The following DLC1 variants were observed in gnomAD, a reference collection of about 807,000 sequenced individuals.
DLC1 encodes DLC1 Rho GTPase activating protein.
A neutral mutation model predicts 140.3 loss-of-function variants in DLC1; 54 were observed. That is an observed-to-expected ratio of 0.38 (90% CI 0.31 to 0.48). The LOEUF (loss-of-function observed/expected upper bound fraction) is 0.48. Among genes scored for constraint, DLC1 ranks in the 20% least tolerant of loss-of-function variants. DLC1 has a pLI of 0.96. For synonymous variants in DLC1, 986 were observed against 728.1 expected, an observed-to-expected ratio of 1.35 and a Z score of -5.70; for missense variants, 2,536 against 1,907.0, an observed-to-expected ratio of 1.33 and a Z score of -6.14.
At chr8:13,399,332 G>A (rs1286690973) in intron 3 of DLC1, among the ~76,000 whole-genome samples, 1 of 152,160 alleles carries the variant, frequency 6.6e-6, no homozygotes, top group East Asian at 1.9e-4. Context: ...ATGAGCATAG[G>A]CTTTGGAGTC....
At position 13,317,643 on chromosome 8, in the gene DLC1, G is replaced by C. The variant is rs117481253; in HGVS notation, c.1315-12341C>G. Reference sequence around the variant, plus strand: ...TTGGGCTGTGTCTGGTGTGTGGTGAGGGGAATGAGGGGTAGGGAGGGCCTG... The same window carrying C: ...TTGGGCTGTGTCTGGTGTGTGGTGACGGGAATGAGGGGTAGGGAGGGCCTG... On this transcript the variant is annotated intron_variant, in intron 4 of 17. Transcript: ENST00000276297. Among the ~76,000 whole-genome samples the C allele has an allele frequency of 6.6e-3, 997 of 152,198 alleles. 3 individuals carry two copies. The highest frequency in any genetic ancestry group is 0.011 in the Non-Finnish European group (723 of 68,002).
chr8:13,580,382 A>T (rs992397739), intron 1 of DLC1, among the ~76,000 whole-genome samples: 1 of 152,248 alleles, frequency 6.6e-6, no homozygotes. Flanking sequence ...CGGACTCCCA[A>T]AGTGCTGGGA....
chr8:13,544,805 C>G (rs139612183), intron 1 of DLC1, among the ~76,000 whole-genome samples: 1 of 152,176 alleles, frequency 6.6e-6, no homozygotes, highest in African/African-American at 2.4e-5. Context: ...GAGTAAGCTT[C>G]ATTTCTTTTG....
At chr8:13,579,070 A>T (rs1417800051) in intron 1 of DLC1, among the ~76,000 whole-genome samples, 1 of 151,164 alleles carries the variant, frequency 6.6e-6, no homozygotes, top group Non-Finnish European at 1.5e-5. Context: ...ATTGCCTAGG[A>T]CATTTTAAGG....
intron 1 of DLC1, among the ~76,000 whole-genome samples, chr8:13,554,487 TA>T (rs1350095981): frequency 2.0e-5 from 3 of 152,164 alleles, no homozygotes; most frequent in Non-Finnish European, 4.4e-5. Context: ...ATCTCAGAGG[TA>T]AAATTTCCAA....
At chr8:13,170,729 C>G (rs995592046) in intron 5 of DLC1, among the ~76,000 whole-genome samples, 2 of 63,148 alleles carry the variant, frequency 3.2e-5, no homozygotes, top group Admixed American at 1.9e-4. Context: ...GACTCCATCT[C>G]AAAAAAAAAA....
At chr8:13,250,287 G>T (rs1829946297) in intron 5 of DLC1, among the ~76,000 whole-genome samples, 1 of 152,114 alleles carries the variant, frequency 6.6e-6, no homozygotes, top group African/African-American at 2.4e-5. Flanking sequence ...GTCCCCATCT[G>T]CTCCACTAAG....
intron 1 of DLC1, among the ~76,000 whole-genome samples, chr8:13,598,848 A>G (rs1805769177): frequency 6.6e-6 from 1 of 151,992 alleles, no homozygotes; most frequent in South Asian, 2.1e-4. Flanking sequence ...TCTGAAAAAT[A>G]ATTTAAAACT....
intron 5 of DLC1, among the ~76,000 whole-genome samples, chr8:13,147,433 T>A (rs1300850060): frequency 6.6e-6 from 1 of 152,210 alleles, no homozygotes; most frequent in Non-Finnish European, 1.5e-5. Flanking sequence ...CTCACTCATT[T>A]CGAATCTGAA....
intron 7 of DLC1, among the ~76,000 whole-genome samples, chr8:13,108,137 G>C (rs962200553): frequency 1.3e-5 from 2 of 152,170 alleles, no homozygotes; most frequent in African/African-American, 2.4e-5. Flanking sequence ...CCTCTCGAAA[G>C]GGGCATCATT....
chr8:13,545,956 G>T (rs1022559684), intron 1 of DLC1, among the ~76,000 whole-genome samples: 40 of 152,120 alleles, frequency 2.6e-4, no homozygotes, highest in African/African-American at 7.9e-4. Flanking sequence ...AAAGCCCACT[G>T]GGATACCAGC....
At chr8:13,394,249 C>T (rs1021094) in intron 3 of DLC1, among the ~76,000 whole-genome samples, 60,263 of 152,080 alleles carry the variant, frequency 0.4, 12,992 homozygotes, top group Non-Finnish European at 0.49. Flanking sequence ...GGAATTATGT[C>T]TTGTTATGTG....
intron 1 of DLC1, among the ~76,000 whole-genome samples, chr8:13,508,577 C>T (rs147639539): frequency 0.02 from 3,073 of 152,064 alleles, 94 homozygotes; most frequent in African/African-American, 0.064. Flanking sequence ...ATCACCAAGC[C>T]CGGCTAATTT....
Position 13,352,033 on chromosome 8 carries a change from C to T in DLC1, c.1314+41520G>A, listed in dbSNP as rs766175506. On this transcript the variant is annotated intron_variant, in intron 4 of 17. Transcript: ENST00000276297. ...ACAGGCATGAGCCACGGTGCCCAGC[C>T]ATATGTCTCTATTTAAAATAACATT... Among the ~76,000 whole-genome samples, 54 of 152,316 alleles carry T rather than the reference C, an allele frequency of 3.5e-4. 1 individual carries two copies. The highest frequency in any genetic ancestry group is 6.0e-4 in the Non-Finnish European group (41 of 68,036).
At chr8:13,209,252 T>C (rs901941970) in intron 5 of DLC1, among the ~76,000 whole-genome samples, 2 of 152,250 alleles carry the variant, frequency 1.3e-5, no homozygotes, top group South Asian at 2.1e-4. Context: ...AATCTATAGA[T>C]AGATATCTAT....
intron 16 of DLC1, among the ~76,000 whole-genome samples, chr8:13,087,668 C>T (rs1187643665): frequency 6.6e-6 from 1 of 152,144 alleles, no homozygotes; most frequent in Non-Finnish European, 1.5e-5. Flanking sequence ...AGCTTAAAAC[C>T]ATTTTTCTAT....
intron 4 of DLC1, among the ~76,000 whole-genome samples, chr8:13,349,224 C>A (rs1292078861): frequency 2.0e-5 from 3 of 151,874 alleles, no homozygotes; most frequent in African/African-American, 7.3e-5. Flanking sequence ...TGCACGAGTC[C>A]CTAGGAAAGA....
Position 13,423,916 on chromosome 8 carries a change from G to A in DLC1, c.1024-22297C>T, listed in dbSNP as rs140597715. Among the ~76,000 whole-genome samples, 5 of 152,102 alleles carry A rather than the reference G, an allele frequency of 3.3e-5. No individual in the cohort carries two copies. In the East Asian group the frequency reaches 5.8e-4, roughly 18 times the overall value. Reference sequence around the variant, plus strand: ...TACAGACTCAGAAGGCCCATCCGAGGGGAAAATAAGAATTATGATCTCATT... The same window carrying A: ...TACAGACTCAGAAGGCCCATCCGAGAGGAAAATAAGAATTATGATCTCATT... On this transcript the variant is annotated intron_variant, in intron 2 of 17. Coordinates refer to ENST00000276297, the MANE Select transcript of DLC1 (RefSeq NM_182643.3).
At chr8:13,097,270 A>ATTATTATTT (rs1407322889) in intron 10 of DLC1, among the ~76,000 whole-genome samples, 1 of 150,262 alleles carries the variant, frequency 6.7e-6, no homozygotes. Flanking sequence ...TATTATTATT[A>ATTATTATTT]TTATTTTTTG....
Sources: allele counts gnomAD v4.1 joint callset (sites outside exome capture counted in the v4.1 genomes callset), GRCh38; gene constraint gnomAD v4.1.1; transcripts MANE v1.5; gene names NCBI Gene and HGNC (gene_info 2026-07-23, HGNC 2026-07-21).